E2F5: variants seen among roughly 807,000 people sequenced by gnomAD.
The protein encoded by E2F5 is transcription factor E2F5.
Under a neutral mutation model 39.1 loss-of-function variants are expected in E2F5, and 23 were observed. The ratio of observed to expected loss-of-function variants is 0.59; its 90% CI spans 0.42 to 0.83. The LOEUF is 0.83. Ranked by LOEUF, E2F5 falls within the 40% of genes least tolerant of loss-of-function variation. The pLI, the probability that E2F5 is intolerant of heterozygous loss-of-function variation, is 0.00. For missense variants in E2F5, 365 were observed against 406.7 expected (o/e 0.90, Z 0.88); for synonymous variants, 145 against 157.8 (o/e 0.92, Z 0.61).
chr8:85,210,437 G>C (rs1207803152), intron 6 of E2F5, among the ~76,000 whole-genome samples: 1 of 152,098 alleles, frequency 6.6e-6, no homozygotes, highest in African/African-American at 2.4e-5. Flanking sequence ...CAGCACTTAG[G>C]GAAGCCAAGG....
At chr8:85,207,527 A>G in intron 5 of E2F5, 38 bp downstream of exon 5, 1 of 1,483,142 alleles carries the variant, frequency 6.7e-7, no homozygotes, top group Non-Finnish European at 9.2e-7. Context: ...AGTGGGAAAA[A>G]TGAATCTACT....
Position 85,211,643 on chromosome 8 carries a change from GTTTTTTTTTTTT to G in E2F5, c.884-497_884-486del, listed in dbSNP as rs950695727. Among the ~76,000 whole-genome samples, 85 of 52,214 alleles carry G rather than the reference GTTTTTTTTTTTT, an allele frequency of 1.6e-3. 1 individual carries two copies. Among genetic ancestry groups the G allele is most frequent in the Admixed American group, 7.6e-3 (34 of 4,476 alleles). The allele number at this position is 52,214 out of a possible 152,430, so 34.3% of individuals were successfully genotyped here. A position where few individuals can be genotyped will look rare whatever the true frequency, so the allele number is the denominator to read the frequency against. On this transcript the variant is annotated intron_variant, in intron 6 of 7. Transcript: ENST00000416274. ...TAGAATGATGATGAGGTTTGTTGTT[GTTTTTTTTTTTT>G]TTTTTTTTTTTTTTTTGGCAGGGTC...
intron 2 of E2F5, 52 bp downstream of exon 2, chr8:85,202,308 C>A: frequency 1.5e-6 from 2 of 1,346,284 alleles, no homozygotes; most frequent in South Asian, 1.4e-5. Context: ...TCTCAGTGCT[C>A]TGTAAAATTT....
intron 7 of E2F5, 56 bp from the exon 8 acceptor site, chr8:85,213,697 A>ATT (rs1813010164): frequency 1.1e-6 from 1 of 895,870 alleles, no homozygotes; most frequent in Non-Finnish European, 1.8e-6. Context: ...TTTGTTAAAG[A>ATT]TCATTAACCG....
intron 1 of E2F5, among the ~76,000 whole-genome samples, chr8:85,195,703 C>T (rs958765243): frequency 1.3e-5 from 2 of 151,870 alleles, no homozygotes; most frequent in Non-Finnish European, 1.5e-5. Flanking sequence ...CTCTGTTACC[C>T]AGACTGGTCT....
intron 1 of E2F5, among the ~76,000 whole-genome samples, chr8:85,181,303 A>G (rs1240736407): frequency 1.3e-5 from 2 of 152,110 alleles, no homozygotes; most frequent in Non-Finnish European, 2.9e-5. Context: ...CTGGAGAATA[A>G]GAACGTAAGG....
At position 85,209,184 on chromosome 8, in the gene E2F5, C is replaced by T. The variant is rs1425034006; in HGVS notation, c.658C>T (p.His220Tyr). Residue 220 changes from histidine (H) to tyrosine (Y), a missense_variant, in exon 6 of 8, where the codon CAT (histidine) becomes TAT (tyrosine). By Grantham distance (83) the His-to-Tyr change is moderately conservative. Coordinates refer to ENST00000416274, the MANE Select transcript of E2F5 (RefSeq NM_001951.4). ...QKKYQINLKS[H>Y]SGPIHVLLIN... is the part of the protein sequence containing the mutation. ...GAAATACCAGATCAATCTAAAGAGTCATTCAGGACCTATCCATGTGCTGCT... is the reference window on the plus strand; with the variant it reads ...GAAATACCAGATCAATCTAAAGAGTTATTCAGGACCTATCCATGTGCTGCT... The T allele has an allele frequency of 1.2e-6, 2 of 1,614,012 alleles. No homozygotes were observed. The highest frequency in any genetic ancestry group is 2.2e-5 in the South Asian group (2 of 91,080).
chr8:85,202,945 AT>A (rs1812724576), intron 2 of E2F5, 148 bp from the exon 3 acceptor site: 1 of 536,696 alleles, frequency 1.9e-6, no homozygotes, highest in East Asian at 4.0e-5. Flanking sequence ...GGTGTTTAAA[AT>A]TTTTAAGGAT....
At chr8:85,212,561 T>A (rs1812957399) in intron 7 of E2F5, 1 of 171,042 alleles carries the variant, frequency 5.8e-6, no homozygotes, top group Non-Finnish European at 1.2e-5. Flanking sequence ...CCCAGGCCAA[T>A]TTCAAGCTGC....
At position 85,203,070 on chromosome 8, in the gene E2F5, TATTA is replaced by T; in HGVS notation, c.345-20_345-17del. 1 of 1,437,932 alleles carries T rather than the reference TATTA, an allele frequency of 7.0e-7. No homozygotes were observed. Among genetic ancestry groups the T allele is most frequent in the Non-Finnish European group, 9.2e-7 (1 of 1,089,954 alleles). The allele number at this position is 1,437,932 out of a possible 1,614,324, so 89.1% of individuals were successfully genotyped here. A position where few individuals can be genotyped will look rare whatever the true frequency, so the allele number is the denominator to read the frequency against. On this transcript the variant is annotated intron_variant, in intron 2 of 7. Coordinates refer to ENST00000416274, the MANE Select transcript of E2F5 (RefSeq NM_001951.4). ...ATTAACCTAGATCTGATACTGAGGA[TATTA>T]ATTCTCATATGTTTTTAAGAGGTGT...
chr8:85,196,576 T>C (rs1812585750), intron 1 of E2F5, among the ~76,000 whole-genome samples: 1 of 152,252 alleles, frequency 6.6e-6, no homozygotes, highest in South Asian at 2.1e-4. Flanking sequence ...AACTTTTGGC[T>C]GTGTACCAAA....
At chr8:85,205,225 G>A (rs1474419546) in intron 3 of E2F5, among the ~76,000 whole-genome samples, 1 of 151,110 alleles carries the variant, frequency 6.6e-6, no homozygotes, top group Admixed American at 6.6e-5. Context: ...TAATCGTAGT[G>A]TTCTCCCCAC....
chr8:85,185,800 C>T (rs1429466829), intron 1 of E2F5, among the ~76,000 whole-genome samples: 1 of 152,170 alleles, frequency 6.6e-6, no homozygotes, highest in East Asian at 1.9e-4. Context: ...GAATCAAAAC[C>T]ACAATGAGAT....
At chr8:85,208,837 C>T (rs967930088) in intron 5 of E2F5, among the ~76,000 whole-genome samples, 33 of 152,176 alleles carry the variant, frequency 2.2e-4, no homozygotes, top group Non-Finnish European at 1.9e-4. Flanking sequence ...ATACCTGGAG[C>T]ATTGCTGGGC....
In E2F5 at chr8:85,177,270, C is replaced by T; in HGVS notation, c.-151C>T. On this transcript the variant is annotated 5_prime_UTR_variant, in exon 1 of 8. Transcript: ENST00000416274. The stretch of plus-strand genomic sequence containing the variant: ...GCGGCCCAGACTCCCGTGGGCGCCG[C>T]ACACCTGTTGTTTGCAGCAGCCAGC... 1 of 618,414 alleles carries T rather than the reference C, an allele frequency of 1.6e-6. No homozygotes were observed. The highest frequency in any genetic ancestry group is 2.0e-6 in the Non-Finnish European group (1 of 494,416). 38.3% of individuals were successfully genotyped at this position (618,414 alleles called of 1,614,324 possible). A position where few individuals can be genotyped will look rare whatever the true frequency, so the allele number is the denominator to read the frequency against.
intron 1 of E2F5, among the ~76,000 whole-genome samples, chr8:85,190,416 G>A (rs1260263051): frequency 6.7e-6 from 1 of 150,200 alleles, no homozygotes; most frequent in Non-Finnish European, 1.5e-5. Context: ...CCCAGGACCT[G>A]TGAATATGTT....
At position 85,213,787 on chromosome 8, in the gene E2F5, A is replaced by G. The variant is rs1813013426; in HGVS notation, c.966A>G (p.Ala322=). The G allele has an allele frequency of 4.3e-6, 7 of 1,613,414 alleles. No individual in the cohort carries two copies. The highest frequency in any genetic ancestry group is 3.3e-4 in the Middle Eastern group (2 of 6,050). ...TCTTAAGGCTTTCTCCTACCCCGGC[A>G]GATGACTACAACTTTAATTTAGATG... ...FPLLRLSPTP[A]DDYNFNLDDN... The change falls in exon 8 of 8, where the codon GCA becomes GCG. Residue 322 remains alanine, a synonymous_variant. Transcript: ENST00000416274.
intron 6 of E2F5, 95 bp from the exon 7 acceptor site, chr8:85,212,062 A>G (rs558468062): frequency 3.3e-6 from 3 of 910,564 alleles, no homozygotes; most frequent in Non-Finnish European, 5.3e-6. Flanking sequence ...ATAAATGTGC[A>G]TGTCAGTCAA....
rs1298186618 is a variant in E2F5 at position 85,209,214 on chromosome 8, A to C, written c.688A>C (p.Asn230His). The change falls in exon 6 of 8, where the codon AAT becomes CAT. Residue 230 changes from asparagine (N) to histidine (H), a missense_variant. Transcript: ENST00000416274. ...AGGACCTATCCATGTGCTGCTTATA[A>C]ATAAAGAGTCGAGTTCATCTAAGCC... Reference protein sequence around the residue: ...HSGPIHVLLINKESSSSKPVV... With the variant: ...HSGPIHVLLIHKESSSSKPVV... 4.3e-6 allele frequency: 7 copies of C among 1,613,904 alleles called. No homozygotes were observed. The highest frequency in any genetic ancestry group is 1.7e-5 in the Admixed American group (1 of 60,002).
Sources: gnomAD v4.1 joint callset for allele counts (sites outside exome capture counted in the v4.1 genomes callset) on GRCh38, gnomAD v4.1.1 for gene constraint, MANE v1.5 for transcripts, NCBI Gene and HGNC (gene_info 2026-07-23, HGNC 2026-07-21) for gene names.